The following ASCC2 variants were observed in gnomAD, a reference collection of about 807,000 sequenced individuals.
ASCC2 encodes ASC-1 complex subunit P100.
ASCC2 carries 42 observed loss-of-function variants against 93.5 expected under a neutral mutation model. The observed-to-expected ratio is 0.45, with a 90% confidence interval of 0.35 to 0.58. The LOEUF (loss-of-function observed/expected upper bound fraction) is 0.58. Among genes scored for constraint, ASCC2 ranks in the 20% least tolerant of loss-of-function variants. The pLI is 0.00. For synonymous variants in ASCC2, 364 were observed against 384.2 expected, an observed-to-expected ratio of 0.95 and a Z score of 0.62; for missense variants, 859 against 977.6, an observed-to-expected ratio of 0.88 and a Z score of 1.62.
At chr22:29,807,680 C>G (rs1845085142) in intron 9 of ASCC2, among the ~76,000 whole-genome samples, 1 of 151,644 alleles carries the variant, frequency 6.6e-6, no homozygotes, top group Non-Finnish European at 1.5e-5. Context: ...TTTTAATATG[C>G]TAAGAGTTTA....
intron 8 of ASCC2, among the ~76,000 whole-genome samples, chr22:29,812,174 T>G (rs2060345170): frequency 6.6e-6 from 1 of 152,194 alleles, no homozygotes; most frequent in Non-Finnish European, 1.5e-5. Flanking sequence ...TTTTGTTAAA[T>G]GGGTGAGTAA....
At chr22:29,821,271 C>T (rs904242317) in intron 5 of ASCC2, among the ~76,000 whole-genome samples, 6 of 152,240 alleles carry the variant, frequency 3.9e-5, no homozygotes, top group African/African-American at 1.4e-4. Context: ...AATGTCCGTT[C>T]CTTTTGCAAC....
rs1338258552 is a variant in ASCC2 at position 29,804,775 on chromosome 22, C to T, written c.1216G>A (p.Val406Met). 5 of 1,614,044 alleles carry T rather than the reference C, an allele frequency of 3.1e-6. No individual in the cohort carries two copies. The African/African-American group carries it at 5.3e-5, about 17-fold the overall frequency. ...GCATCTGTGGCTTTCCGTCTGTCCA[C>T]CCCTTCCCATGCACTCTCGACTGCC... ...LQAVESAWEG[V>M]DRRKATDAKD... Residue 406 changes from valine (V) to methionine (M), a missense_variant, in exon 13 of 20, where the codon GTG becomes ATG. Coordinates refer to ENST00000307790, the MANE Select transcript of ASCC2 (RefSeq NM_032204.5).
In ASCC2 at chr22:29,825,730, A is replaced by AG; in HGVS notation, c.131dup (p.Lys45Ter). 6.2e-7 allele frequency: 1 copy of AG among 1,614,124 alleles called. No homozygotes were observed. Among genetic ancestry groups the AG allele is most frequent in the Non-Finnish European group, 8.5e-7 (1 of 1,179,996 alleles). Reference sequence around the variant, plus strand: ...CCACTAGGGCGGGAATGTTGTCTTTAGGGGGCGGTTTGTATAACACAAAAT... The same window carrying AG: ...CCACTAGGGCGGGAATGTTGTCTTTAGGGGGGCGGTTTGTATAACACAAAAT... On this transcript the variant is annotated frameshift_variant, in exon 3 of 20. Coordinates refer to ENST00000307790, the MANE Select transcript of ASCC2 (RefSeq NM_032204.5). LOFTEE classifies it high-confidence loss of function. This position sits in a 1 kb window ranked among gnomAD's most constrained non-coding sequence, Gnocchi z 4.9.
At chr22:29,834,535 G>A (rs2063536664) in intron 1 of ASCC2, 1 of 470,914 alleles carries the variant, frequency 2.1e-6, no homozygotes, top group Admixed American at 2.4e-5. Flanking sequence ...CATGGTCTCT[G>A]CATACACGAG....
chr22:29,809,797 T>C (rs1418493958), intron 8 of ASCC2: 3 of 151,542 alleles, frequency 2.0e-5, no homozygotes, highest in Non-Finnish European at 4.4e-5. Flanking sequence ...TTAAAAATTG[T>C]AAAATTAAAA....
At chr22:29,837,026 C>T (rs1338572368) in intron 1 of ASCC2, among the ~76,000 whole-genome samples, 2 of 152,190 alleles carry the variant, frequency 1.3e-5, no homozygotes, top group African/African-American at 2.4e-5. Flanking sequence ...CATGATGTAG[C>T]TATGTAGATA....
chr22:29,831,185 C>T (rs1422472116), intron 2 of ASCC2, among the ~76,000 whole-genome samples: 1 of 152,172 alleles, frequency 6.6e-6, no homozygotes, highest in African/African-American at 2.4e-5. Flanking sequence ...CTGAAAAGAA[C>T]ACTTCCAGAT....
At position 29,825,370 on chromosome 22, in the gene ASCC2, G is replaced by A. The variant is rs530691234; in HGVS notation, c.241-113C>T. ...AGCCCTGCCCTATTCCAAACACTCCGACCCCAAGGGACCAAGGAGGTATGA... is the reference window on the plus strand; with the variant it reads ...AGCCCTGCCCTATTCCAAACACTCCAACCCCAAGGGACCAAGGAGGTATGA... On this transcript the variant is annotated intron_variant, in intron 3 of 19. Transcript: ENST00000307790. This position sits in a 1 kb window ranked among gnomAD's most constrained non-coding sequence, Gnocchi z 4.9. 14 of 1,324,564 alleles carry A rather than the reference G, an allele frequency of 1.1e-5. No individual in the cohort carries two copies. The highest frequency in any genetic ancestry group is 5.9e-5 in the African/African-American group (4 of 67,704). 82.1% of individuals were successfully genotyped at this position (1,324,564 alleles called of 1,614,324 possible). A position where few individuals can be genotyped will look rare whatever the true frequency, so the allele number is the denominator to read the frequency against.
In ASCC2 at chr22:29,802,148, T is replaced by C. The variant is rs1412944175; in HGVS notation, c.1414A>G (p.Ile472Val). The change falls in exon 14 of 20, where the codon ATC becomes GTC. Residue 472 changes from isoleucine to valine, a missense_variant. Transcript: ENST00000307790. ...GGCAGCAGGTCCTTCACTTGGGAGA[T>C]GAGAGAGTCCAGTTCCACCCCACAC... Reference protein sequence around the residue: ...AMCGVELDSLISQVKDLLPDL... With the variant: ...AMCGVELDSLVSQVKDLLPDL... 4 of 1,614,086 alleles carry C rather than the reference T, an allele frequency of 2.5e-6. No individual in the cohort carries two copies. Among genetic ancestry groups the C allele is most frequent in the Non-Finnish European group, 3.4e-6 (4 of 1,180,042 alleles).
At chr22:29,813,885 C>T (rs752321007) in intron 7 of ASCC2, among the ~76,000 whole-genome samples, 3 of 152,170 alleles carry the variant, frequency 2.0e-5, no homozygotes, top group Admixed American at 6.5e-5. Flanking sequence ...AAGGAACATC[C>T]GAGGCAGGAC....
chr22:29,815,949 G>C, intron 6 of ASCC2, 57 bp downstream of exon 6: 2 of 1,412,178 alleles, frequency 1.4e-6, no homozygotes, highest in East Asian at 2.4e-5. Context: ...CATTGAGTTG[G>C]GGAGGTGGCC....
chr22:29,815,563 T>C (rs560809570), intron 6 of ASCC2, among the ~76,000 whole-genome samples: 3 of 152,330 alleles, frequency 2.0e-5, no homozygotes, highest in East Asian at 1.9e-4. Flanking sequence ...CTGTGAACAG[T>C]AGATATCTCT....
At chr22:29,827,761 C>CACAT (rs2062567209) in intron 2 of ASCC2, among the ~76,000 whole-genome samples, 1 of 135,238 alleles carries the variant, frequency 7.4e-6, no homozygotes, top group Admixed American at 7.3e-5. Context: ...TCTCCCGACA[C>CACAT]ACACACACAC....
chr22:29,806,268 G>A lies in ASCC2; in HGVS notation c.1108C>T (p.Leu370Phe), dbSNP rs1207759767. 6.2e-7 allele frequency: 1 copy of A among 1,614,044 alleles called. No homozygotes were observed. The highest frequency in any genetic ancestry group is 1.7e-5 in the Admixed American group (1 of 59,992). ...EKRFLRDYDA[L>F]FPVAEDISLL... Reference sequence around the variant, plus strand: ...CTGATGTCTTCGGCCACGGGGAAGAGTGCATCATAGTCCCGGAGGAACCTG... The same window carrying A: ...CTGATGTCTTCGGCCACGGGGAAGAATGCATCATAGTCCCGGAGGAACCTG... Residue 370 changes from leucine to phenylalanine, a missense_variant, in exon 12 of 20, where the codon CTC (leucine) becomes TTC (phenylalanine). Leu to Phe is a conservative substitution (Grantham distance 22, BLOSUM62 0). Transcript: ENST00000307790.
rs537701005 is a variant in ASCC2, at chr22:29,833,351, G to A, written c.-17-1009C>T. Among the ~76,000 whole-genome samples the A allele has an allele frequency of 2.0e-5, 3 of 152,206 alleles. No individual in the cohort carries two copies. In the South Asian group the frequency reaches 6.2e-4, roughly 32 times the overall value. On this transcript the variant is annotated intron_variant, in intron 1 of 19. Coordinates refer to ENST00000307790, the MANE Select transcript of ASCC2 (RefSeq NM_032204.5). ...CATGGGCCTTTCCTCACTTGTGGAG[G>A]ATGTTAAGATTTTGCAACCTTTCTA... is the stretch of plus-strand genomic sequence containing the variant.
chr22:29,793,304 C>T (rs2058006568), intron 17 of ASCC2, 56 bp downstream of exon 17: 2 of 1,602,802 alleles, frequency 1.2e-6, no homozygotes, highest in East Asian at 4.5e-5. Context: ...GGTGAGGGAG[C>T]CCCATGGGCC....
At chr22:29,815,951 G>A (rs911377127) in intron 6 of ASCC2, 55 bp downstream of exon 6, 40 of 1,426,192 alleles carry the variant, frequency 2.8e-5, no homozygotes, top group Non-Finnish European at 3.8e-5. Context: ...TTGAGTTGGG[G>A]AGGTGGCCTA....
intron 5 of ASCC2, among the ~76,000 whole-genome samples, chr22:29,817,066 A>G (rs2148028541): frequency 6.6e-6 from 1 of 152,306 alleles, no homozygotes; most frequent in South Asian, 2.1e-4. Context: ...CAAAAACCAG[A>G]TGGGGCTGGG....
Sources: allele counts gnomAD v4.1 joint callset (sites outside exome capture counted in the v4.1 genomes callset), GRCh38; gene constraint gnomAD v4.1.1; non-coding constraint Gnocchi (gnomAD v3.1); transcripts MANE v1.5; gene names NCBI Gene and HGNC (gene_info 2026-07-23, HGNC 2026-07-21).